The following KANK2 variants were observed in gnomAD, a reference collection of about 807,000 sequenced individuals.
The protein encoded by KANK2 is KN motif and ankyrin repeat domains 2, also known as KN motif and ankyrin repeat domain-containing protein 2.
KANK2 carries 41 observed loss-of-function variants against 74.6 expected under a neutral mutation model. The observed-to-expected ratio is 0.55, with a 90% CI of 0.43 to 0.71. The LOEUF is 0.71. Ranked by LOEUF, KANK2 falls within the 30% of genes least tolerant of loss-of-function variation. The pLI is 0.00. For missense variants in KANK2, 1,148 were observed against 1,196.4 expected, an observed-to-expected ratio of 0.96 and a Z score of 0.60; for synonymous variants, 537 against 519.0, an observed-to-expected ratio of 1.03 and a Z score of -0.47.
intron 6 of KANK2, 112 bp downstream of exon 6, chr19:11,178,233 G>T: frequency 2.1e-6 from 2 of 974,674 alleles, no homozygotes; most frequent in Non-Finnish European, 2.8e-6. Flanking sequence ...TTGATTAAAC[G>T]AATTAACCAA....
At position 11,193,907 on chromosome 19, in the gene KANK2, G is replaced by T; in HGVS notation, c.173C>A (p.Thr58Lys). 3 of 1,613,880 alleles carry T rather than the reference G, an allele frequency of 1.9e-6. No homozygotes were observed. The highest frequency in any genetic ancestry group is 2.5e-6 in the Non-Finnish European group (3 of 1,180,000). Residue 58 changes from threonine to lysine, a missense_variant, in exon 4 of 13, where the codon ACG (threonine) becomes AAG (lysine). By Grantham distance (78) the Thr-to-Lys change is moderately conservative. Coordinates refer to ENST00000586659, the MANE Select transcript of KANK2 (RefSeq NM_001136191.3). This position sits in a 1 kb window ranked among gnomAD's most constrained non-coding sequence, Gnocchi z 9.6. ...GCGCTGCACTGCCACGCGTCGCAGCGTGTGGCCCTTCTCGATGTCATCCAC... is the reference window on the plus strand; with the variant it reads ...GCGCTGCACTGCCACGCGTCGCAGCTTGTGGCCCTTCTCGATGTCATCCAC... The part of the protein sequence containing the change: ...KYVDDIEKGH[T>K]LRRVAVQRRP...
chr19:11,183,132 C>A lies in KANK2; in HGVS notation c.1250-4412G>T, dbSNP rs59527377. Among the ~76,000 whole-genome samples, 1,348 of 152,290 alleles carry A rather than the reference C, an allele frequency of 8.9e-3. 14 individuals are homozygous for A. Among genetic ancestry groups the A allele is most frequent in the African/African-American group, 0.031 (1,276 of 41,566 alleles). ...AAGACAATTCTACAAAACAAGAGCA[C>A]AGATGGAGTAGTTGGTCTGTGAGAG... is the stretch of plus-strand genomic sequence containing the variant. On this transcript the variant is annotated intron_variant, in intron 4 of 12. Transcript: ENST00000586659.
chr19:11,167,856 C>T (rs919393244), intron 12 of KANK2, among the ~76,000 whole-genome samples: 2 of 151,832 alleles, frequency 1.3e-5, no homozygotes, highest in Admixed American at 1.3e-4. Context: ...GTCAGACACA[C>T]CCCTGCCTCA....
intron 4 of KANK2, among the ~76,000 whole-genome samples, chr19:11,179,844 T>C (rs2078461279): frequency 6.6e-6 from 1 of 152,096 alleles, no homozygotes; most frequent in Non-Finnish European, 1.5e-5. Flanking sequence ...TGGAATCCAC[T>C]CAGGTCCCCC....
chr19:11,165,051 C>A lies in KANK2; in HGVS notation c.*1507G>T, dbSNP rs1447164875. The A allele has an allele frequency of 2.6e-5, 4 of 152,170 alleles. No homozygotes were observed. The highest frequency in any genetic ancestry group is 9.6e-5 in the African/African-American group (4 of 41,452). 9.4% of individuals were successfully genotyped at this position (152,170 alleles called of 1,614,324 possible). On this transcript the variant is annotated 3_prime_UTR_variant, in exon 13 of 13. Transcript: ENST00000586659. The stretch of plus-strand genomic sequence containing the variant: ...ATTTTTAGAGGCTTGGAACCCTTCC[C>A]TTTCTGTTGCTCACCAAGGAAAAGG...
At chr19:11,187,340 G>C (rs1386947596) in intron 4 of KANK2, among the ~76,000 whole-genome samples, 1 of 152,072 alleles carries the variant, frequency 6.6e-6, no homozygotes. Flanking sequence ...CAAAAATAGT[G>C]TAAGGAGAGG....
rs761311985 is a variant in KANK2 at position 11,178,565 on chromosome 19, C to T, written c.1405G>A (p.Ala469Thr). 2.5e-6 allele frequency: 4 copies of T among 1,603,926 alleles called. No homozygotes were observed. The highest frequency in any genetic ancestry group is 1.1e-5 in the South Asian group (1 of 89,870). ...RQAASQESEE[A>T]GGTGGPPAGV... ...ACCCACCACTTACCGGTGCCCCCGG[C>T]CTCCTCGGACTCTTGGGAGGCTGCT... is the stretch of plus-strand genomic sequence containing the variant. The change falls in exon 5 of 13, where the codon GCC becomes ACC. Residue 469 changes from alanine to threonine, a missense_variant. Physicochemically the swap from Ala to Thr is moderately conservative, Grantham distance 58 (BLOSUM62 0). Coordinates refer to ENST00000586659, the MANE Select transcript of KANK2 (RefSeq NM_001136191.3).
Position 11,170,318 on chromosome 19 carries a change from C to G in KANK2, c.2212-70G>C. ...GGCAGGACACCCCCTGGTCTAGAAC[C>G]TGCTGTAGCTCCCACATACTCTGAT... On this transcript the variant is annotated intron_variant, in intron 10 of 12. Coordinates refer to ENST00000586659, the MANE Select transcript of KANK2 (RefSeq NM_001136191.3). The surrounding 1 kb of genome is among the most constrained non-coding windows in gnomAD (Gnocchi z 5.2). The G allele has an allele frequency of 7.9e-7, 1 of 1,257,872 alleles. No individual in the cohort carries two copies. The highest frequency in any genetic ancestry group is 1.1e-6 in the Non-Finnish European group (1 of 881,660). The allele number at this position is 1,257,872 out of a possible 1,614,324, so 77.9% of individuals were successfully genotyped here.
intron 4 of KANK2, among the ~76,000 whole-genome samples, chr19:11,184,732 C>T (rs1327192645): frequency 2.0e-5 from 3 of 146,898 alleles, no homozygotes; most frequent in Non-Finnish European, 4.5e-5. Context: ...AAAAAAAAAT[C>T]AATAAATAAA....
At chr19:11,180,354 C>CGCAT (rs2078478916) in intron 4 of KANK2, among the ~76,000 whole-genome samples, 1 of 152,032 alleles carries the variant, frequency 6.6e-6, no homozygotes, top group Non-Finnish European at 1.5e-5. Context: ...CTCAGCCTCT[C>CGCAT]GCATAGCTGG....
Position 11,178,547 on chromosome 19 carries a change from A to T in KANK2, c.1417+6T>A. The T allele has an allele frequency of 6.2e-7, 1 of 1,603,308 alleles. No individual in the cohort carries two copies. Among genetic ancestry groups the T allele is most frequent in the Non-Finnish European group, 8.5e-7 (1 of 1,176,402 alleles). Reference sequence around the variant, plus strand: ...CCGTCCCTCTTGGCGGCCACCCACCACTTACCGGTGCCCCCGGCCTCCTCG... The same window carrying T: ...CCGTCCCTCTTGGCGGCCACCCACCTCTTACCGGTGCCCCCGGCCTCCTCG... On this transcript the variant is annotated splice_donor_region_variant and intron_variant, in intron 5 of 12. Coordinates refer to ENST00000586659, the MANE Select transcript of KANK2 (RefSeq NM_001136191.3).
chr19:11,182,135 T>C (rs12978807), intron 4 of KANK2, among the ~76,000 whole-genome samples: 12,610 of 151,860 alleles, frequency 0.083, 612 homozygotes, highest in African/African-American at 0.12. Flanking sequence ...AGGCTGGTCT[T>C]GAACTCCCAA....
At chr19:11,188,136 C>CT (rs1217299126) in intron 4 of KANK2, among the ~76,000 whole-genome samples, 1 of 152,082 alleles carries the variant, frequency 6.6e-6, no homozygotes, top group Non-Finnish European at 1.5e-5. Context: ...TCTGCACAGG[C>CT]TAACGTGGAT....
At chr19:11,179,796 A>G (rs1375956517) in intron 4 of KANK2, among the ~76,000 whole-genome samples, 1 of 152,210 alleles carries the variant, frequency 6.6e-6, no homozygotes, top group Non-Finnish European at 1.5e-5. Context: ...AGCGTGGAAT[A>G]AAAGTCCAGT....
In KANK2 at chr19:11,178,551, A is replaced by G; in HGVS notation, c.1417+2T>C. 1 of 1,602,440 alleles carries G rather than the reference A, an allele frequency of 6.2e-7. No homozygotes were observed. The highest frequency in any genetic ancestry group is 8.5e-7 in the Non-Finnish European group (1 of 1,176,018). ...CCCTCTTGGCGGCCACCCACCACTT[A>G]CCGGTGCCCCCGGCCTCCTCGGACT... On this transcript the variant is annotated splice_donor_variant, in intron 5 of 12. Transcript: ENST00000586659. LOFTEE classifies it high-confidence loss of function.
intron 10 of KANK2, 66 bp downstream of exon 10, chr19:11,172,915 C>A: frequency 6.4e-7 from 1 of 1,559,142 alleles, no homozygotes; most frequent in South Asian, 1.2e-5. Context: ...TTGGGCCTGT[C>A]ACTCAGCTGG....
rs1234623560 is a variant in KANK2 at position 11,197,515 on chromosome 19, G to A, written c.-309C>T. ...GCGCTCCGGCCGCTGCCTTCCCTGG[G>A]TCCCGCCGCCCGAGCGTCTTCGCGC... On this transcript the variant is annotated 5_prime_UTR_variant, in exon 1 of 13. Coordinates refer to ENST00000586659, the MANE Select transcript of KANK2 (RefSeq NM_001136191.3). 1 of 152,230 alleles carries A rather than the reference G, an allele frequency of 6.6e-6. No homozygotes were observed. The highest frequency in any genetic ancestry group is 1.9e-4 in the East Asian group (1 of 5,176). 9.4% of individuals were successfully genotyped at this position (152,230 alleles called of 1,614,324 possible). A position where few individuals can be genotyped will look rare whatever the true frequency, so the allele number is the denominator to read the frequency against.
At position 11,176,840 on chromosome 19, in the gene KANK2, G is replaced by T. The variant is rs373839082; in HGVS notation, c.1521-23C>A. ...TACCTGGGGAGGAACGAGCGGGGAG[G>T]GGGAGATGCTGCAGGTGGGATGAGA... On this transcript the variant is annotated intron_variant, in intron 6 of 12. Coordinates refer to ENST00000586659, the MANE Select transcript of KANK2 (RefSeq NM_001136191.3). 3.5e-5 allele frequency: 52 copies of T among 1,494,336 alleles called. No homozygotes were observed. In the African/African-American group the frequency reaches 6.3e-4, roughly 18 times the overall value. The allele number at this position is 1,494,336 out of a possible 1,614,324, so 92.6% of individuals were successfully genotyped here.
intron 4 of KANK2, among the ~76,000 whole-genome samples, chr19:11,190,490 C>A (rs946815179): frequency 3.9e-5 from 6 of 152,172 alleles, no homozygotes; most frequent in African/African-American, 1.4e-4. Flanking sequence ...CCTCCCTAAG[C>A]CTCAGTTTCC....
Sources: allele counts gnomAD v4.1 joint callset (sites outside exome capture counted in the v4.1 genomes callset), GRCh38; gene constraint gnomAD v4.1.1; non-coding constraint Gnocchi (gnomAD v3.1); transcripts MANE v1.5; gene names NCBI Gene and HGNC (gene_info 2026-07-23, HGNC 2026-07-21).